The following PRR33 variants were observed in gnomAD, a reference collection of about 807,000 sequenced individuals.
The protein encoded by PRR33 is proline rich 33, also known as proline-rich protein 33.
A neutral mutation model predicts 0.5 loss-of-function variants in PRR33; 1 was observed. The observed-to-expected ratio is 2.18, with a 90% confidence interval of 0.77 to 10.34. The LOEUF is 10.34. Among genes scored for constraint, PRR33 ranks in the 30% most tolerant of loss-of-function variants. The pLI, the probability that PRR33 is intolerant of heterozygous loss-of-function variation, is 0.13. For missense variants in PRR33, 552 were observed against 251.8 expected, an observed-to-expected ratio of 2.19 and a Z score of -8.07; for synonymous variants, 226 against 110.0, an observed-to-expected ratio of 2.06 and a Z score of -6.60.
chr11:1,907,344 C>T, the PRR33 span, among the ~76,000 whole-genome samples: 1 of 152,148 alleles, frequency 6.6e-6, no homozygotes, highest in Non-Finnish European at 1.5e-5. Context: ...ATCATGTTTC[C>T]ACTGTTCTAA....
At chr11:1,899,761 G>T in the PRR33 span, among the ~76,000 whole-genome samples, 1 of 152,064 alleles carries the variant, frequency 6.6e-6, no homozygotes, top group Non-Finnish European at 1.5e-5. Flanking sequence ...ATTTCTCAAG[G>T]GACGTCCCAT....
chr11:1,915,949 C>T, the PRR33 span, among the ~76,000 whole-genome samples: 10 of 138,558 alleles, frequency 7.2e-5, no homozygotes, highest in Admixed American at 1.4e-4. Flanking sequence ...GGATGGATGG[C>T]GGGAGGGATA....
chr11:1,901,129 G>A, the PRR33 span, among the ~76,000 whole-genome samples: 63 of 152,290 alleles, frequency 4.1e-4, no homozygotes, highest in Middle Eastern at 3.4e-3. Context: ...GGCCAATATG[G>A]TGAAACCTCA....
At chr11:1,895,046 T>G (rs572318789), upstream of PRR33, among the ~76,000 whole-genome samples, 1 of 152,380 alleles carries the variant, frequency 6.6e-6, no homozygotes, top group Admixed American at 6.5e-5. Context: ...TGATACATCT[T>G]GCTGGGGGAA....
chr11:1,897,060 A>G, the PRR33 span, among the ~76,000 whole-genome samples: 1 of 152,222 alleles, frequency 6.6e-6, no homozygotes, highest in Admixed American at 6.5e-5. This position sits in a 1 kb window ranked among gnomAD's most constrained non-coding sequence, Gnocchi z 4.0. Flanking sequence ...AGCAAAGCAC[A>G]GAAACCGCCA....
chr11:1,892,681 C>T (rs932077538), upstream of PRR33, among the ~76,000 whole-genome samples: 32 of 148,622 alleles, frequency 2.2e-4, no homozygotes, highest in African/African-American at 5.5e-4. Context: ...GGTGGGTGGA[C>T]GAATGGATAG....
exon 1 of PRR33, chr11:1,889,828 C>T (rs1366264033): frequency 1.7e-5 from 11 of 634,010 alleles, no homozygotes; most frequent in South Asian, 3.7e-5. Context: ...GCCTGGAAGC[C>T]GGGTGGCGGC....
chr11:1,901,147 T>TA, the PRR33 span, among the ~76,000 whole-genome samples: 49 of 151,970 alleles, frequency 3.2e-4, no homozygotes, highest in African/African-American at 1.1e-3. Context: ...TCATCTCTAC[T>TA]AAAAAAAATA....
chr11:1,908,701 C>T, the PRR33 span, among the ~76,000 whole-genome samples: 4 of 152,280 alleles, frequency 2.6e-5, no homozygotes, highest in South Asian at 2.1e-4. Context: ...ACTCTTCCGC[C>T]GACTCTCTGG....
chr11:1,916,473 C>A, the PRR33 span, among the ~76,000 whole-genome samples: 3 of 146,980 alleles, frequency 2.0e-5, no homozygotes, highest in South Asian at 6.6e-4. Context: ...AGGCCACCCT[C>A]CCCAGCTGGG....
exon 1 of PRR33, chr11:1,890,169 C>A (rs762864076): frequency 4.2e-6 from 3 of 717,020 alleles, no homozygotes; most frequent in African/African-American, 1.7e-5. Context: ...TAGAATCCTG[C>A]GCTGGGTGAG....
exon 1 of PRR33, chr11:1,889,753 C>T: frequency 1.5e-6 from 1 of 655,260 alleles, no homozygotes; most frequent in Non-Finnish European, 2.8e-6. Flanking sequence ...GGTGAGGACT[C>T]CAGCGAGCGG....
In PRR33 at chr11:1,889,398, C is replaced by T. The variant is rs577250190; in HGVS notation, c.1187G>A (p.Arg396Gln). 1,425 of 693,620 alleles carry T rather than the reference C, an allele frequency of 2.1e-3. 4 individuals are homozygous for T. Among genetic ancestry groups the T allele is most frequent in the Non-Finnish European group, 2.8e-3 (1,034 of 372,682 alleles). The allele number at this position is 693,620 out of a possible 1,614,324, so 43.0% of individuals were successfully genotyped here. ...CACGGCATCCCACATCCTGGAGGTC[C>T]GGGAGGCGGGGGCCCGGGGTGCGGT... The change falls in exon 1 of 1, where the codon CGG becomes CAG. Residue 396 changes from arginine (R) to glutamine (Q), a missense_variant. Transcript: ENST00000640310.
the PRR33 span, among the ~76,000 whole-genome samples, chr11:1,914,346 G>T: frequency 6.7e-6 from 1 of 149,682 alleles, no homozygotes; most frequent in Non-Finnish European, 1.5e-5. Context: ...TGTGTTGTAG[G>T]GTCACGCATC....
At chr11:1,890,391 G>A in exon 1 of PRR33, 2 of 717,054 alleles carry the variant, frequency 2.8e-6, no homozygotes, top group South Asian at 3.0e-5. Flanking sequence ...GGGGGACAGG[G>A]AGGTGCGGAA....
the PRR33 span, among the ~76,000 whole-genome samples, chr11:1,916,784 GT>G: frequency 6.6e-6 from 1 of 152,310 alleles, no homozygotes. Context: ...GCCCTGCTGT[GT>G]TTCTGATGCA....
At chr11:1,906,843 T>C in the PRR33 span, among the ~76,000 whole-genome samples, 5 of 152,250 alleles carry the variant, frequency 3.3e-5, no homozygotes, top group Non-Finnish European at 7.3e-5. Flanking sequence ...CAGTCCCTAA[T>C]ACTCCAGGGG....
At chr11:1,893,581 G>C (rs1849078036), upstream of PRR33, among the ~76,000 whole-genome samples, 1 of 141,820 alleles carries the variant, frequency 7.1e-6, no homozygotes, top group Admixed American at 7.0e-5. Flanking sequence ...GGAGAGAGGG[G>C]GGATGGAGGG....
the PRR33 span, among the ~76,000 whole-genome samples, chr11:1,901,097 G>A: frequency 2.0e-5 from 3 of 152,204 alleles, no homozygotes; most frequent in African/African-American, 7.2e-5. Flanking sequence ...AGATCACAAG[G>A]TCAGGAGTTC....
Sources: allele counts gnomAD v4.1 joint callset (sites outside exome capture counted in the v4.1 genomes callset), GRCh38; gene constraint gnomAD v4.1.1; non-coding constraint Gnocchi (gnomAD v3.1); transcripts MANE v1.5; gene names NCBI Gene and HGNC (gene_info 2026-07-23, HGNC 2026-07-21).